ANO5: variants seen among roughly 807,000 people sequenced by gnomAD.
The protein encoded by ANO5 is anoctamin 5.
Under a neutral mutation model 121.0 loss-of-function variants are expected in ANO5, and 109 were observed. The observed-to-expected ratio is 0.90, with a 90% CI of 0.77 to 1.06. ANO5 has a LOEUF of 1.06. Among genes scored for constraint, ANO5 ranks in the 50% least tolerant of loss-of-function variants. The probability of loss-of-function intolerance (pLI) is 0.00; values close to 1 mark genes in which losing one functional copy is unlikely to be tolerated. For synonymous variants in ANO5, 406 were observed against 359.9 expected, an observed-to-expected ratio of 1.13 and a Z score of -1.45; for missense variants, 1,064 against 1,078.5, an observed-to-expected ratio of 0.99 and a Z score of 0.19.
At chr11:22,234,643 C>A (rs996408149) in intron 7 of ANO5, among the ~76,000 whole-genome samples, 2 of 152,108 alleles carry the variant, frequency 1.3e-5, no homozygotes, top group African/African-American at 4.8e-5. Context: ...CCCCTTTGTA[C>A]TCCAAGAAAA....
intron 21 of ANO5, among the ~76,000 whole-genome samples, chr11:22,277,423 C>T (rs920152021): frequency 6.6e-6 from 1 of 151,414 alleles, no homozygotes. Flanking sequence ...CCACCTGAGA[C>T]CCTGCTGGTT....
chr11:22,251,790 G>T (rs1393672251), intron 12 of ANO5, among the ~76,000 whole-genome samples: 2 of 151,516 alleles, frequency 1.3e-5, no homozygotes, highest in Non-Finnish European at 2.9e-5. Context: ...ACTTTGGGAG[G>T]CTGAGGTGGG....
At chr11:22,211,443 T>C in intron 3 of ANO5, 129 bp downstream of exon 3, 1 of 1,155,420 alleles carries the variant, frequency 8.7e-7, no homozygotes, top group East Asian at 2.5e-5. Flanking sequence ...TTTGAGAATA[T>C]ATTACTTTAG....
intron 3 of ANO5, among the ~76,000 whole-genome samples, chr11:22,217,618 C>T (rs925933047): frequency 3.3e-5 from 5 of 151,536 alleles, no homozygotes; most frequent in Admixed American, 6.6e-5. Context: ...TCCTTAATTA[C>T]ATCCTTTGCA....
At position 22,281,091 on chromosome 11, in the gene ANO5, T is replaced by TAC. The variant is rs932422843; in HGVS notation, c.*1338_*1339dup. The TAC allele has an allele frequency of 5.9e-5, 9 of 151,998 alleles. No individual in the cohort carries two copies. The highest frequency in any genetic ancestry group is 2.1e-4 in the South Asian group (1 of 4,820). 9.4% of individuals were successfully genotyped at this position (151,998 alleles called of 1,614,324 possible). A position where few individuals can be genotyped will look rare whatever the true frequency, so the allele number is the denominator to read the frequency against. On this transcript the variant is annotated 3_prime_UTR_variant, in exon 22 of 22. Coordinates refer to ENST00000324559, the MANE Select transcript of ANO5 (RefSeq NM_213599.3). ...AACTAAATATGTATAACTTTGTGTA[T>TAC]ACACACACACACATCTATATATATA...
intron 19 of ANO5, among the ~76,000 whole-genome samples, chr11:22,273,641 A>G (rs1191230336): frequency 1.3e-5 from 2 of 152,090 alleles, no homozygotes; most frequent in East Asian, 3.8e-4. Flanking sequence ...GACACTGTCA[A>G]AAATTGTAAA....
At chr11:22,231,063 T>C (rs187022498) in intron 7 of ANO5, among the ~76,000 whole-genome samples, 7 of 152,058 alleles carry the variant, frequency 4.6e-5, no homozygotes, top group Admixed American at 4.6e-4. Context: ...TCACCACACC[T>C]CTTATGGCAC....
intron 1 of ANO5, among the ~76,000 whole-genome samples, chr11:22,198,828 C>A (rs760069530): frequency 5.3e-5 from 8 of 152,102 alleles, no homozygotes; most frequent in Non-Finnish European, 1.2e-4. Flanking sequence ...TTCTTAGAAT[C>A]CTATTCTTTA....
rs199532484 is a variant in ANO5 at position 22,270,338 on chromosome 11, G to C, written c.1925G>C (p.Arg642Pro). 2 of 1,614,060 alleles carry C rather than the reference G, an allele frequency of 1.2e-6. No homozygotes were observed. The highest frequency in any genetic ancestry group is 1.7e-6 in the Non-Finnish European group (2 of 1,180,002). ...YPLALNWWRR[R>P]KARTNSEKLY... The stretch of plus-strand genomic sequence containing the variant: ...TTGGCTTTGAATTGGTGGAGACGCC[G>C]AAAAGCTCGGACAAACTCTGAGAAG... Residue 642 changes from arginine (R) to proline (P), a missense_variant, in exon 18 of 22, where the codon CGA (arginine) becomes CCA (proline). By Grantham distance (103) the Arg-to-Pro change is moderately radical. Coordinates refer to ENST00000324559, the MANE Select transcript of ANO5 (RefSeq NM_213599.3).
At chr11:22,216,394 A>C (rs567651224) in intron 3 of ANO5, among the ~76,000 whole-genome samples, 1 of 151,886 alleles carries the variant, frequency 6.6e-6, no homozygotes, top group East Asian at 1.9e-4. Context: ...CAGTAATTCT[A>C]GTGGATAGGT....
chr11:22,227,245 G>T (rs1315136865), intron 6 of ANO5, 57 bp from the exon 7 acceptor site: 8 of 1,585,272 alleles, frequency 5.0e-6, no homozygotes, highest in African/African-American at 1.4e-5. Context: ...TATTTAATCA[G>T]CTCAATAACA....
At chr11:22,192,499 G>A (rs1384059629), upstream of ANO5, among the ~76,000 whole-genome samples, 4 of 152,176 alleles carry the variant, frequency 2.6e-5, no homozygotes, top group Non-Finnish European at 5.9e-5. Context: ...ACGCTATGGG[G>A]AAGGGGCTGC....
In ANO5 at chr11:22,271,891, A is replaced by C. The variant is rs11026487; in HGVS notation, c.2030-893A>C. Among the ~76,000 whole-genome samples, 893 of 151,990 alleles carry C rather than the reference A, an allele frequency of 5.9e-3. 6 individuals carry two copies. Among genetic ancestry groups the C allele is most frequent in the Middle Eastern group, 0.027 (8 of 294 alleles). ...ATTTTCTACCTCGTAGGTTAGGTAG[A>C]GAAAGCAGGAAAAAAAGGAGGTGAA... On this transcript the variant is annotated intron_variant, in intron 18 of 21. Transcript: ENST00000324559.
chr11:22,270,175 G>A, intron 17 of ANO5, 137 bp from the exon 18 acceptor site: 1 of 1,140,798 alleles, frequency 8.8e-7, no homozygotes, highest in Non-Finnish European at 1.3e-6. Flanking sequence ...GCTTTGGCTG[G>A]TGTCATTTCT....
chr11:22,270,463 T>C (rs1450427271), intron 18 of ANO5, 21 bp downstream of exon 18: 4 of 1,613,608 alleles, frequency 2.5e-6, no homozygotes, highest in Admixed American at 3.3e-5. Context: ...ACCACTGTTT[T>C]GAAACATAGA....
rs566828657 is a variant in ANO5, at chr11:22,206,099, C to T, written c.87+2249C>T. ...CCAGAAAATAGAAGAAAAACAGATG[C>T]TTCTCAATTCATGTCGGATCCCTAC... On this transcript the variant is annotated intron_variant, in intron 2 of 21. Transcript: ENST00000324559. Among the ~76,000 whole-genome samples the T allele has an allele frequency of 7.9e-5, 12 of 152,040 alleles. No individual in the cohort carries two copies. The South Asian group carries it at 2.3e-3, about 29-fold the overall frequency.
intron 12 of ANO5, among the ~76,000 whole-genome samples, chr11:22,252,459 A>G (rs920739346): frequency 2.6e-5 from 4 of 152,148 alleles, no homozygotes; most frequent in African/African-American, 9.7e-5. Flanking sequence ...CTTCAGCACT[A>G]TTTGCAGTTA....
intron 19 of ANO5, among the ~76,000 whole-genome samples, chr11:22,273,818 C>T (rs1188164146): frequency 6.6e-6 from 1 of 151,992 alleles, no homozygotes; most frequent in Non-Finnish European, 1.5e-5. Flanking sequence ...CTCATTTACT[C>T]CAATAAATTT....
intron 13 of ANO5, among the ~76,000 whole-genome samples, chr11:22,255,810 G>T (rs149528213): frequency 1.3e-5 from 2 of 151,940 alleles, no homozygotes; most frequent in East Asian, 3.9e-4. Context: ...GGACAATCTT[G>T]TTTCATTCAT....
Sources: allele counts gnomAD v4.1 joint callset (sites outside exome capture counted in the v4.1 genomes callset), GRCh38; gene constraint gnomAD v4.1.1; transcripts MANE v1.5; gene names NCBI Gene and HGNC (gene_info 2026-07-23, HGNC 2026-07-21).